Variants in OPCML observed in about 807,000 individuals in gnomAD.
OPCML encodes the protein opioid binding protein/cell adhesion molecule like, also known as opioid-binding protein/cell adhesion molecule.
In OPCML, 13 loss-of-function variants were observed where a neutral mutation model predicts 37.8. That is an observed-to-expected ratio of 0.34 (90% confidence interval 0.22 to 0.55). The LOEUF is 0.55. Ranked by LOEUF, OPCML falls within the 20% of genes least tolerant of loss-of-function variation. The pLI, the probability that OPCML is intolerant of heterozygous loss-of-function variation, is 0.91. For missense variants in OPCML, 341 were observed against 435.6 expected (o/e 0.78, Z 1.93); for synonymous variants, 176 against 168.8 (o/e 1.04, Z -0.33).
chr11:132,900,144 T>C (rs911581715), intron 2 of OPCML, among the ~76,000 whole-genome samples: 1 of 152,196 alleles, frequency 6.6e-6, no homozygotes, highest in Non-Finnish European at 1.5e-5. Context: ...AGCTCTTAAC[T>C]GCAAAGCAAT....
At chr11:133,279,016 G>A (rs975229966) in intron 1 of OPCML, among the ~76,000 whole-genome samples, 1 of 152,152 alleles carries the variant, frequency 6.6e-6, no homozygotes, top group African/African-American at 2.4e-5. Context: ...ATTAACAAAT[G>A]CTAGCGCTTA....
intron 1 of OPCML, among the ~76,000 whole-genome samples, chr11:133,176,614 T>C (rs1937604198): frequency 6.6e-6 from 1 of 152,004 alleles, no homozygotes; most frequent in African/African-American, 2.4e-5. Flanking sequence ...TGTTTAAAGG[T>C]GTGTGGCACC....
rs59616366 is a variant in OPCML at position 133,096,130 on chromosome 11, A to ATGTGTGTGTG, written c.62-153130_62-153121dup. 4.2e-3 allele frequency among the ~76,000 whole-genome samples: 634 copies of ATGTGTGTGTG among 150,206 alleles called. 5 individuals carry two copies. The highest frequency in any genetic ancestry group is 0.015 in the African/African-American group (594 of 40,902). On this transcript the variant is annotated intron_variant, in intron 1 of 7. Transcript: ENST00000524381. ...ATAGCAACAAGGTATTTGTGCACAA[A>ATGTGTGTGTG]TGTGTGTGTGTGTGTGTGTGTGTGT...
chr11:133,026,397 G>A (rs1367662669), intron 1 of OPCML: 2 of 985,294 alleles, frequency 2.0e-6, no homozygotes, highest in Admixed American at 6.1e-5. Context: ...TGAGCACCTT[G>A]CCTGCCTCTT....
At chr11:133,032,476 C>T (rs1017334201) in intron 1 of OPCML, among the ~76,000 whole-genome samples, 5 of 152,180 alleles carry the variant, frequency 3.3e-5, no homozygotes, top group Non-Finnish European at 7.3e-5. Flanking sequence ...AAGGCACATG[C>T]TTGTATTGGT....
At chr11:133,210,769 G>T (rs1465135176) in intron 1 of OPCML, among the ~76,000 whole-genome samples, 1 of 151,998 alleles carries the variant, frequency 6.6e-6, no homozygotes, top group Non-Finnish European at 1.5e-5. Context: ...AGAAAGACCA[G>T]GTCTCAAATT....
rs532077392 is a variant in OPCML at position 133,254,673 on chromosome 11, T to C, written c.61+277591A>G. ...TGCATTTGAATTTATGCCTAAATTGTGTTGGGGCAAAGGTGAGAGGAGTCA... is the reference window on the plus strand; with the variant it reads ...TGCATTTGAATTTATGCCTAAATTGCGTTGGGGCAAAGGTGAGAGGAGTCA... On this transcript the variant is annotated intron_variant, in intron 1 of 7. Coordinates refer to ENST00000524381, the MANE Select transcript of OPCML (RefSeq NM_001012393.5). 2.2e-4 allele frequency among the ~76,000 whole-genome samples: 33 copies of C among 152,206 alleles called. No homozygotes were observed. The South Asian group carries it at 6.8e-3, about 31-fold the overall frequency.
At chr11:132,632,294 T>G (rs1479944197) in intron 3 of OPCML, among the ~76,000 whole-genome samples, 3 of 146,304 alleles carry the variant, frequency 2.1e-5, no homozygotes, top group Non-Finnish European at 4.5e-5. Flanking sequence ...ATCACACAGT[T>G]GTGGAACTGT....
At chr11:132,954,613 C>T (rs1027245596) in intron 1 of OPCML, among the ~76,000 whole-genome samples, 2 of 152,098 alleles carry the variant, frequency 1.3e-5, no homozygotes, top group African/African-American at 4.8e-5. Context: ...GTGAAACATC[C>T]AAGTAAAACT....
chr11:133,335,076 C>T (rs1427759129), intron 1 of OPCML, among the ~76,000 whole-genome samples: 1 of 152,196 alleles, frequency 6.6e-6, no homozygotes, highest in African/African-American at 2.4e-5. Flanking sequence ...TGTGTTTAGC[C>T]ACAGCCCTGA....
intron 1 of OPCML, among the ~76,000 whole-genome samples, chr11:133,089,198 C>G (rs1408876306): frequency 4.6e-5 from 7 of 152,096 alleles, no homozygotes; most frequent in Non-Finnish European, 8.8e-5. Flanking sequence ...ATCATAGCTA[C>G]TATGTGACAA....
chr11:133,474,667 C>T (rs540116893), intron 1 of OPCML, among the ~76,000 whole-genome samples: 4 of 152,126 alleles, frequency 2.6e-5, no homozygotes, highest in South Asian at 2.1e-4. Context: ...GAGAGAAGGG[C>T]GGGGCTGGAG....
chr11:133,099,493 TAGTC>T (rs1414188889), intron 1 of OPCML, among the ~76,000 whole-genome samples: 3 of 150,790 alleles, frequency 2.0e-5, no homozygotes, highest in African/African-American at 7.3e-5. Context: ...TTCATGGTGT[TAGTC>T]AGGATGGTCT....
At chr11:133,118,284 A>C in intron 1 of OPCML, 1 of 985,416 alleles carries the variant, frequency 1.0e-6, no homozygotes, top group Non-Finnish European at 1.2e-6. Flanking sequence ...TATGAGCTGT[A>C]GGGAGGCCTC....
intron 1 of OPCML, among the ~76,000 whole-genome samples, chr11:132,966,326 A>T (rs976042620): frequency 2.6e-5 from 4 of 151,918 alleles, no homozygotes; most frequent in Admixed American, 1.3e-4. Context: ...CCATTTTTTT[A>T]AATTTCTCAA....
At chr11:133,023,278 G>A (rs2136906127) in intron 1 of OPCML, among the ~76,000 whole-genome samples, 1 of 152,312 alleles carries the variant, frequency 6.6e-6, no homozygotes, top group Non-Finnish European at 1.5e-5. Flanking sequence ...TCCTCCTGGT[G>A]TCCCAAGCTG....
At chr11:133,383,760 T>G (rs749638256) in intron 1 of OPCML, among the ~76,000 whole-genome samples, 30 of 152,126 alleles carry the variant, frequency 2.0e-4, no homozygotes, top group Non-Finnish European at 3.5e-4. Context: ...GAATCAGCTA[T>G]TTAGTGTTAA....
At chr11:133,168,437 G>A (rs547870303) in intron 1 of OPCML, among the ~76,000 whole-genome samples, 5 of 152,272 alleles carry the variant, frequency 3.3e-5, no homozygotes, top group Admixed American at 6.5e-5. Flanking sequence ...AGTCATGAAG[G>A]TTTCATTGTG....
At chr11:132,654,640 T>C (rs913965899) in intron 3 of OPCML, among the ~76,000 whole-genome samples, 2 of 148,556 alleles carry the variant, frequency 1.3e-5, no homozygotes, top group Non-Finnish European at 3.0e-5. Context: ...CAAGAGAACA[T>C]CATCTCCAAG....
Sources: gnomAD v4.1 joint callset for allele counts (sites outside exome capture counted in the v4.1 genomes callset) on GRCh38, gnomAD v4.1.1 for gene constraint, MANE v1.5 for transcripts, NCBI Gene and HGNC (gene_info 2026-07-23, HGNC 2026-07-21) for gene names.